Variants in LRCH3 observed in about 807,000 individuals in gnomAD.
The protein encoded by LRCH3 is DISP complex protein LRCH3.
Under a neutral mutation model 104.5 loss-of-function variants are expected in LRCH3, and 68 were observed. That is an observed-to-expected ratio of 0.65 (90% confidence interval 0.54 to 0.80). The LOEUF (loss-of-function observed/expected upper bound fraction) is 0.80, where lower values mean the gene tolerates loss of function less well. Among genes scored for constraint, LRCH3 ranks in the 30% least tolerant of loss-of-function variants. The pLI, the probability that LRCH3 is intolerant of heterozygous loss-of-function variation, is 0.00. For synonymous variants in LRCH3, 344 were observed against 361.3 expected, an observed-to-expected ratio of 0.95 and a Z score of 0.54; for missense variants, 951 against 953.9, an observed-to-expected ratio of 1.00 and a Z score of 0.04.
intron 17 of LRCH3, among the ~76,000 whole-genome samples, chr3:197,867,624 C>T (rs35627195): frequency 0.077 from 11,734 of 151,686 alleles, 604 homozygotes; most frequent in Non-Finnish European, 0.11. Flanking sequence ...GAGGCTGAGG[C>T]GGGCAGATCA....
At chr3:197,871,058 G>T in intron 18 of LRCH3, among the ~76,000 whole-genome samples, 1 of 151,000 alleles carries the variant, frequency 6.6e-6, no homozygotes. Context: ...TTTATTTTAT[G>T]TTGGAATTGA....
rs1260255770 is a variant in LRCH3 at position 197,866,198 on chromosome 3, G to A, written c.1852G>A (p.Val618Ile). ...RPESFLFRAGVRAETNKGHAS... is the reference protein window; with the variant it reads ...RPESFLFRAGIRAETNKGHAS... ...TGAAAGCTTCCTTTTCCGAGCAGGTGTCAGGGCAGAAACCAACAAAGGTAG... is the reference window on the plus strand; with the variant it reads ...TGAAAGCTTCCTTTTCCGAGCAGGTATCAGGGCAGAAACCAACAAAGGTAG... Residue 618 changes from valine (V) to isoleucine (I), a missense_variant, in exon 17 of 21, where the codon GTC (valine) becomes ATC (isoleucine). Val to Ile is a conservative substitution (Grantham distance 29). Transcript: ENST00000425562. 2 of 1,614,034 alleles carry A rather than the reference G, an allele frequency of 1.2e-6. No homozygotes were observed. Among genetic ancestry groups the A allele is most frequent in the Non-Finnish European group, 1.7e-6 (2 of 1,179,892 alleles).
intron 15 of LRCH3, among the ~76,000 whole-genome samples, chr3:197,863,870 G>C (rs1741157751): frequency 6.6e-6 from 1 of 152,122 alleles, no homozygotes; most frequent in Non-Finnish European, 1.5e-5. Flanking sequence ...AAGTACTTTA[G>C]AAACTATTAT....
intron 10 of LRCH3, among the ~76,000 whole-genome samples, chr3:197,840,525 A>T (rs1017407113): frequency 2.6e-5 from 4 of 152,230 alleles, no homozygotes; most frequent in African/African-American, 9.6e-5. Context: ...TCATTCTTGA[A>T]TTCCAGAATG....
At chr3:197,798,227 C>T (rs2109102504) in intron 1 of LRCH3, among the ~76,000 whole-genome samples, 1 of 152,028 alleles carries the variant, frequency 6.6e-6, no homozygotes. Flanking sequence ...CACCACTGCT[C>T]TCCAGTATGG....
chr3:197,881,642 A>G, intron 20 of LRCH3: 1 of 985,506 alleles, frequency 1.0e-6, no homozygotes, highest in Non-Finnish European at 1.2e-6. Context: ...CAGAATGCGT[A>G]GCACTTAGCT....
At chr3:197,830,917 A>G (rs141253299) in intron 7 of LRCH3, 54 bp downstream of exon 7, 3 of 1,393,320 alleles carry the variant, frequency 2.2e-6, no homozygotes, top group East Asian at 4.6e-5. Flanking sequence ...AGAAAACAGA[A>G]TGATGAAAAT....
At chr3:197,801,164 A>C (rs916769000) in intron 1 of LRCH3, among the ~76,000 whole-genome samples, 10 of 152,192 alleles carry the variant, frequency 6.6e-5, no homozygotes, top group African/African-American at 9.7e-5. Context: ...TAGAAACATA[A>C]TGTCGAGAAA....
chr3:197,819,212 T>C (rs660325), intron 3 of LRCH3, among the ~76,000 whole-genome samples: 116,187 of 152,002 alleles, frequency 0.76, 46,324 homozygotes, highest in East Asian at 0.99. Flanking sequence ...TCCTTGTTGG[T>C]TCGCTCTTTT....
chr3:197,875,082 C>T (rs1035429267), intron 19 of LRCH3, among the ~76,000 whole-genome samples: 4 of 151,890 alleles, frequency 2.6e-5, no homozygotes, highest in South Asian at 4.1e-4. Context: ...AGGTGCCCGC[C>T]ACCACACCTG....
intron 5 of LRCH3, among the ~76,000 whole-genome samples, chr3:197,828,377 G>A (rs749051481): frequency 6.6e-6 from 1 of 151,572 alleles, no homozygotes; most frequent in Admixed American, 6.6e-5. Context: ...AAGGAGTCTC[G>A]CTCTGTTGCC....
chr3:197,879,987 C>T (rs892785764), intron 20 of LRCH3, among the ~76,000 whole-genome samples: 18 of 150,992 alleles, frequency 1.2e-4, no homozygotes, highest in African/African-American at 3.9e-4. Flanking sequence ...GCTCTGTCAC[C>T]CAGGCTGGAG....
At chr3:197,798,650 ACT>A (rs1305081429) in intron 1 of LRCH3, among the ~76,000 whole-genome samples, 4 of 152,318 alleles carry the variant, frequency 2.6e-5, no homozygotes, top group African/African-American at 9.6e-5. Context: ...GCAGTCTGTA[ACT>A]CACAAAATTA....
At position 197,832,357 on chromosome 3, in the gene LRCH3, A is replaced by AT. The variant is rs755611213; in HGVS notation, c.1102+43dup. On this transcript the variant is annotated intron_variant, in intron 8 of 20. Coordinates refer to ENST00000425562, the MANE Select transcript of LRCH3 (RefSeq NM_001365715.1). The stretch of plus-strand genomic sequence containing the variant: ...GGTGACAGCTAAAGTGTTTGCAACC[A>AT]TTTAACTTTTTAAAGTTGTCTTTTT... The AT allele has an allele frequency of 1.9e-6, 3 of 1,593,962 alleles. No homozygotes were observed. In the South Asian group the frequency reaches 3.4e-5, roughly 18 times the overall value.
At chr3:197,838,968 T>C (rs1227434936) in intron 9 of LRCH3, among the ~76,000 whole-genome samples, 19 of 152,192 alleles carry the variant, frequency 1.2e-4, no homozygotes, top group Admixed American at 1.2e-3. Context: ...AGGTGGGAAT[T>C]TCTGTCCTAA....
intron 1 of LRCH3, among the ~76,000 whole-genome samples, chr3:197,808,348 G>A (rs1197948098): frequency 2.0e-5 from 3 of 152,180 alleles, no homozygotes; most frequent in Admixed American, 6.5e-5. Context: ...CATTTGTATC[G>A]TTTCAGCTGC....
chr3:197,879,641 A>T (rs1560063572), intron 20 of LRCH3, among the ~76,000 whole-genome samples: 1 of 143,118 alleles, frequency 7.0e-6, no homozygotes, highest in Non-Finnish European at 1.5e-5. Context: ...ATAAAAAAAT[A>T]AAATAAAACA....
At chr3:197,812,038 G>A (rs1472802267) in intron 1 of LRCH3, among the ~76,000 whole-genome samples, 1 of 152,108 alleles carries the variant, frequency 6.6e-6, no homozygotes. Context: ...GGTAAAATAT[G>A]CCATTTTATC....
chr3:197,832,165 A>C, intron 7 of LRCH3, 32 bp from the exon 8 acceptor site: 5 of 1,598,228 alleles, frequency 3.1e-6, no homozygotes, highest in Non-Finnish European at 4.3e-6. Flanking sequence ...CTCTAAAATG[A>C]TTGTTTTTAA....
Sources: gnomAD v4.1 joint callset for allele counts (sites outside exome capture counted in the v4.1 genomes callset) on GRCh38, gnomAD v4.1.1 for gene constraint, MANE v1.5 for transcripts, NCBI Gene and HGNC (gene_info 2026-07-23, HGNC 2026-07-21) for gene names.